Variants in CEP85L observed in about 807,000 individuals in gnomAD.
CEP85L encodes centrosomal protein 85L, also known as centrosomal protein of 85 kDa-like.
A neutral mutation model predicts 100.3 loss-of-function variants in CEP85L; 60 were observed. The observed-to-expected ratio is 0.60, with a 90% CI of 0.49 to 0.74. The LOEUF is 0.74. Ranked by LOEUF, CEP85L falls within the 30% of genes least tolerant of loss-of-function variation. The pLI, the probability that CEP85L is intolerant of heterozygous loss-of-function variation, is 0.00. For missense variants in CEP85L, 973 were observed against 936.2 expected, an observed-to-expected ratio of 1.04 and a Z score of -0.51; for synonymous variants, 319 against 322.7, an observed-to-expected ratio of 0.99 and a Z score of 0.12.
At chr6:118,629,603 G>A (rs1472128958) in intron 2 of CEP85L, among the ~76,000 whole-genome samples, 2 of 152,198 alleles carry the variant, frequency 1.3e-5, no homozygotes, top group Non-Finnish European at 2.9e-5. Context: ...CTCTTTGGAA[G>A]ACAGTTTGGT....
At chr6:118,495,592 A>G (rs1010989729) in intron 5 of CEP85L, among the ~76,000 whole-genome samples, 1 of 152,172 alleles carries the variant, frequency 6.6e-6, no homozygotes. Context: ...AAGTCAATTA[A>G]ACCTCTTTCC....
chr6:118,636,433 G>A (rs1774495926), intron 1 of CEP85L, among the ~76,000 whole-genome samples: 1 of 143,564 alleles, frequency 7.0e-6, no homozygotes, highest in Admixed American at 6.7e-5. Flanking sequence ...CAGAATAAAT[G>A]ATCTCAGTTT....
chr6:118,632,021 G>A (rs953360732), intron 2 of CEP85L, among the ~76,000 whole-genome samples: 8 of 152,152 alleles, frequency 5.3e-5, no homozygotes, highest in African/African-American at 1.9e-4. Context: ...ATGGAGTCTC[G>A]CTCTGTCCCC....
intron 1 of CEP85L, among the ~76,000 whole-genome samples, chr6:118,688,685 C>T (rs1776925931): frequency 6.6e-6 from 1 of 152,232 alleles, no homozygotes; most frequent in African/African-American, 2.4e-5. Context: ...ATTTGGTCCT[C>T]ACATCTATCT....
chr6:118,582,710 T>TTA (rs1780642884), intron 2 of CEP85L, among the ~76,000 whole-genome samples: 1 of 152,212 alleles, frequency 6.6e-6, no homozygotes, highest in African/African-American at 2.4e-5. Context: ...CCCACAGCCT[T>TTA]TATGGAAAGG....
chr6:118,699,317 TG>T (rs921801528), intron 1 of CEP85L, among the ~76,000 whole-genome samples: 4 of 151,834 alleles, frequency 2.6e-5, no homozygotes, highest in African/African-American at 9.7e-5. Flanking sequence ...TAGCCGAGCA[TG>T]GTGGCACGTC....
intron 2 of CEP85L, among the ~76,000 whole-genome samples, chr6:118,614,865 C>CAGAT (rs57663206): frequency 0.21 from 31,821 of 149,652 alleles, 3,647 homozygotes; most frequent in East Asian, 0.34. Context: ...GACAGACAGA[C>CAGAT]AGATAGATAG....
Position 118,460,799 on chromosome 6 carries a change from T to C in CEP85L, c.*4606A>G, listed in dbSNP as rs1772190686. The C allele has an allele frequency of 6.6e-6, 1 of 152,158 alleles. No individual in the cohort carries two copies. Among genetic ancestry groups the C allele is most frequent in the Non-Finnish European group, 1.5e-5 (1 of 68,018 alleles). 9.4% of individuals were successfully genotyped at this position (152,158 alleles called of 1,614,324 possible). ...TTTTTATAAAAAATTTATTTCTCTG[T>C]AAATACAAATTCCAACATCAACAAA... On this transcript the variant is annotated 3_prime_UTR_variant, in exon 13 of 13. Coordinates refer to ENST00000368491, the MANE Select transcript of CEP85L (RefSeq NM_001042475.3).
chr6:118,656,427 T>C (rs562002853), upstream of CEP85L, among the ~76,000 whole-genome samples: 2 of 152,152 alleles, frequency 1.3e-5, no homozygotes, highest in Non-Finnish European at 2.9e-5. Flanking sequence ...AGATACGATG[T>C]TAGGGTGGGA....
In CEP85L at chr6:118,484,744, C is replaced by A. The variant is rs530204277; in HGVS notation, c.1438-886G>T. ...TTATGGGAACTAAGAGAGGAAGATA[C>A]TACAAGTAACTAAAACTATTTTGTT... is the stretch of plus-strand genomic sequence containing the variant. On this transcript the variant is annotated intron_variant, in intron 6 of 12. Coordinates refer to ENST00000368491, the MANE Select transcript of CEP85L (RefSeq NM_001042475.3). Among the ~76,000 whole-genome samples, 7 of 139,484 alleles carry A rather than the reference C, an allele frequency of 5.0e-5. No individual in the cohort carries two copies. The East Asian group carries it at 1.4e-3, about 28-fold the overall frequency. The allele number at this position is 139,484 out of a possible 152,430, so 91.5% of individuals were successfully genotyped here. A position where few individuals can be genotyped will look rare whatever the true frequency, so the allele number is the denominator to read the frequency against.
chr6:118,634,592 T>G (rs1186201756), intron 1 of CEP85L, among the ~76,000 whole-genome samples: 2 of 152,016 alleles, frequency 1.3e-5, no homozygotes, highest in Admixed American at 1.3e-4. Context: ...TAAAGCTTTG[T>G]AGATTCTAGA....
rs1044697891 is a variant in CEP85L, at chr6:118,565,829, A to G, written c.720T>C (p.Phe240=). ...YKFESCSKED[F]RASSSTLRRQ... ...TCCTAAGAGTAGAGGAAGAGGCTCT[A>G]AAGTCCTCCTTGCTACAGCTCTCAA... The change falls in exon 3 of 13, where the codon TTT becomes TTC. Residue 240 remains phenylalanine (F), a synonymous_variant. Coordinates refer to ENST00000368491, the MANE Select transcript of CEP85L (RefSeq NM_001042475.3). The G allele has an allele frequency of 1.9e-6, 3 of 1,614,092 alleles. No individual in the cohort carries two copies. The highest frequency in any genetic ancestry group is 1.7e-5 in the Admixed American group (1 of 60,028).
At chr6:118,632,289 G>A (rs1403779894) in intron 2 of CEP85L, among the ~76,000 whole-genome samples, 164 bp downstream of exon 2, 1 of 152,116 alleles carries the variant, frequency 6.6e-6, no homozygotes, top group Admixed American at 6.5e-5. Context: ...GCGCCCGGTC[G>A]ATTAGAGGGA....
intron 3 of CEP85L, among the ~76,000 whole-genome samples, chr6:118,544,949 G>A (rs1041183642): frequency 6.6e-5 from 10 of 151,790 alleles, no homozygotes; most frequent in Non-Finnish European, 1.5e-5. Context: ...CCTTCCCTAC[G>A]TAGCTTTAAA....
intron 2 of CEP85L, among the ~76,000 whole-genome samples, chr6:118,611,601 C>T (rs554511571): frequency 1.2e-4 from 18 of 152,216 alleles, no homozygotes; most frequent in African/African-American, 3.9e-4. Context: ...CCCAACTATG[C>T]CGTTACAAGT....
intron 1 of CEP85L, among the ~76,000 whole-genome samples, chr6:118,670,173 T>C (rs1214115153): frequency 6.6e-6 from 1 of 151,704 alleles, no homozygotes; most frequent in African/African-American, 2.4e-5. Context: ...GGCTTGCCCG[T>C]GTGACTTGCT....
chr6:118,501,792 G>A, intron 5 of CEP85L: 4 of 1,094,814 alleles, frequency 3.7e-6, no homozygotes, highest in Middle Eastern at 2.2e-4. Flanking sequence ...AGAGTGGGGA[G>A]GATGGAGGCT....
chr6:118,469,904 G>A (rs922357633), intron 11 of CEP85L, among the ~76,000 whole-genome samples: 2 of 152,098 alleles, frequency 1.3e-5, no homozygotes, highest in Non-Finnish European at 2.9e-5. Flanking sequence ...ACCATACCCA[G>A]CCTGTATTTT....
intron 6 of CEP85L, among the ~76,000 whole-genome samples, chr6:118,489,968 C>T (rs1029646359): frequency 6.6e-5 from 10 of 150,488 alleles, no homozygotes; most frequent in African/African-American, 2.0e-4. Context: ...CACACACATA[C>T]GTGTGTGTAT....
Sources: allele counts gnomAD v4.1 joint callset (sites outside exome capture counted in the v4.1 genomes callset), GRCh38; gene constraint gnomAD v4.1.1; transcripts MANE v1.5; gene names NCBI Gene and HGNC (gene_info 2026-07-23, HGNC 2026-07-21).